The following CDH13 variants were observed in gnomAD, a reference collection of about 807,000 sequenced individuals.
CDH13 encodes the protein cadherin 13.
A neutral mutation model predicts 63.8 loss-of-function variants in CDH13; 24 were observed. The observed-to-expected ratio is 0.38, with a 90% CI of 0.27 to 0.53. The LOEUF is 0.53. Ranked by LOEUF, CDH13 falls within the 20% of genes least tolerant of loss-of-function variation. CDH13 has a pLI of 0.85. For synonymous variants in CDH13, 503 were observed against 355.3 expected (o/e 1.42, Z -4.67); for missense variants, 1,049 against 903.1 (o/e 1.16, Z -2.07).
At chr16:83,091,713 T>G (rs1462339257) in intron 3 of CDH13, among the ~76,000 whole-genome samples, 2 of 152,230 alleles carry the variant, frequency 1.3e-5, no homozygotes, top group Non-Finnish European at 2.9e-5. Flanking sequence ...TGCTAGGGTA[T>G]TCACTTCATA....
At chr16:82,839,609 TA>T (rs2038922910) in intron 1 of CDH13, among the ~76,000 whole-genome samples, 1 of 152,174 alleles carries the variant, frequency 6.6e-6, no homozygotes, top group South Asian at 2.1e-4. Flanking sequence ...CCAACTTGGA[TA>T]ACGGCTTTGC....
At chr16:83,325,185 G>A (rs375905430) in intron 5 of CDH13, among the ~76,000 whole-genome samples, 2 of 152,148 alleles carry the variant, frequency 1.3e-5, no homozygotes, top group East Asian at 3.8e-4. Context: ...CTCCAGATGA[G>A]TTTAAGAAAT....
intron 6 of CDH13, among the ~76,000 whole-genome samples, chr16:83,452,208 C>A (rs1357123573): frequency 6.6e-6 from 1 of 152,188 alleles, no homozygotes; most frequent in Admixed American, 6.5e-5. Flanking sequence ...TTATAGTCAA[C>A]CTTGTGACAG....
At chr16:83,242,855 A>C (rs1904601062) in intron 5 of CDH13, among the ~76,000 whole-genome samples, 1 of 152,178 alleles carries the variant, frequency 6.6e-6, no homozygotes, top group Admixed American at 6.5e-5. Context: ...ACTTCCCCTG[A>C]CTCAGCTGGA....
At chr16:83,056,587 G>A (rs1233238618) in intron 3 of CDH13, among the ~76,000 whole-genome samples, 1 of 152,172 alleles carries the variant, frequency 6.6e-6, no homozygotes, top group Non-Finnish European at 1.5e-5. Context: ...ACAGCAGGCA[G>A]AACTAACTAA....
chr16:83,282,427 A>G (rs1038860702), intron 5 of CDH13, among the ~76,000 whole-genome samples: 7 of 152,242 alleles, frequency 4.6e-5, no homozygotes, highest in Admixed American at 1.3e-4. Flanking sequence ...TAAAATGACA[A>G]TGACTTATCT....
At chr16:82,863,811 G>A (rs929681605) in intron 2 of CDH13, among the ~76,000 whole-genome samples, 11 of 152,128 alleles carry the variant, frequency 7.2e-5, no homozygotes, top group Admixed American at 6.6e-4. Context: ...GTGAAGAAGC[G>A]ACTAAAGCAG....
chr16:83,686,702 T>A (rs1257492798), intron 10 of CDH13, among the ~76,000 whole-genome samples: 1 of 152,064 alleles, frequency 6.6e-6, no homozygotes, highest in Non-Finnish European at 1.5e-5. Context: ...AGGAAAAAAA[T>A]GTATTTTTAG....
intron 1 of CDH13, among the ~76,000 whole-genome samples, chr16:82,641,686 C>T (rs963461898): frequency 3.7e-4 from 56 of 152,218 alleles, no homozygotes; most frequent in African/African-American, 1.3e-3. Flanking sequence ...TGGAGGCTGT[C>T]TAAACAGTTA....
At chr16:83,395,280 C>T (rs9673291) in intron 6 of CDH13, among the ~76,000 whole-genome samples, 13,055 of 151,236 alleles carry the variant, frequency 0.086, 629 homozygotes, top group South Asian at 0.12. Flanking sequence ...TGCCACTGCA[C>T]TCTAGCCTGG....
At chr16:83,354,039 G>T (rs1405233093) in intron 6 of CDH13, among the ~76,000 whole-genome samples, 1 of 152,178 alleles carries the variant, frequency 6.6e-6, no homozygotes, top group Non-Finnish European at 1.5e-5. Flanking sequence ...AGTGGCAGCA[G>T]GGCAAAGGAG....
chr16:83,402,232 T>A (rs1031459605), intron 6 of CDH13, among the ~76,000 whole-genome samples: 1 of 152,172 alleles, frequency 6.6e-6, no homozygotes, highest in Admixed American at 6.5e-5. Context: ...GTAGCAAAAC[T>A]GTCTGGCTCC....
intron 1 of CDH13, among the ~76,000 whole-genome samples, chr16:82,728,543 C>G (rs2033226110): frequency 6.6e-6 from 1 of 151,978 alleles, no homozygotes; most frequent in Non-Finnish European, 1.5e-5. Context: ...GTGTGCATAC[C>G]TTAATTTAAA....
intron 4 of CDH13, among the ~76,000 whole-genome samples, chr16:83,202,206 A>C (rs193276483): frequency 8.5e-5 from 13 of 152,252 alleles, no homozygotes; most frequent in Admixed American, 3.3e-4. Flanking sequence ...TCAGCTTTGG[A>C]TAGGACGCTC....
chr16:82,731,645 A>T (rs1019814457), intron 1 of CDH13, among the ~76,000 whole-genome samples: 2 of 152,234 alleles, frequency 1.3e-5, no homozygotes, highest in Non-Finnish European at 2.9e-5. Context: ...TATGGGAACC[A>T]CACTTGCTCA....
At chr16:82,759,633 A>G (rs2034753432) in intron 1 of CDH13, among the ~76,000 whole-genome samples, 1 of 151,814 alleles carries the variant, frequency 6.6e-6, no homozygotes, top group African/African-American at 2.4e-5. Context: ...TTTGGTCCAT[A>G]TGCAGTATTC....
At chr16:83,000,223 A>ATTTTTTTTTTTTTTTT (rs746904500) in intron 2 of CDH13, among the ~76,000 whole-genome samples, 1 of 37,032 alleles carries the variant, frequency 2.7e-5, no homozygotes. Flanking sequence ...GGTTTAGCTT[A>ATTTTTTTTTTTTTTTT]TTTTTTTTTT....
chr16:82,804,960 A>G (rs538690788), intron 1 of CDH13, among the ~76,000 whole-genome samples: 11 of 152,324 alleles, frequency 7.2e-5, no homozygotes, highest in East Asian at 5.8e-4. Context: ...ATTCATAGTT[A>G]TCTACTTAGC....
intron 1 of CDH13, among the ~76,000 whole-genome samples, chr16:82,650,815 C>A (rs13330513): frequency 6.6e-6 from 1 of 152,008 alleles, no homozygotes; most frequent in Admixed American, 6.5e-5. Context: ...GAAATCAATC[C>A]GGTGAACCTG....
Sources: allele counts gnomAD v4.1 joint callset (sites outside exome capture counted in the v4.1 genomes callset), GRCh38; gene constraint gnomAD v4.1.1; transcripts MANE v1.5; gene names NCBI Gene and HGNC (gene_info 2026-07-23, HGNC 2026-07-21).